GPM6A: variants seen among roughly 807,000 people sequenced by gnomAD.
GPM6A encodes the protein neuronal membrane glycoprotein M6-a.
A neutral mutation model predicts 32.1 loss-of-function variants in GPM6A; 7 were observed. The ratio of observed to expected loss-of-function variants is 0.22; its 90% CI spans 0.12 to 0.41. GPM6A has a LOEUF of 0.41. Among genes scored for constraint, GPM6A ranks in the 10% least tolerant of loss-of-function variants. The pLI is 1.00. For synonymous variants in GPM6A, 130 were observed against 123.4 expected, an observed-to-expected ratio of 1.05 and a Z score of -0.35; for missense variants, 235 against 347.2, an observed-to-expected ratio of 0.68 and a Z score of 2.57.
At chr4:175,920,378 A>C (rs1435445078) in intron 1 of GPM6A, among the ~76,000 whole-genome samples, 1 of 152,224 alleles carries the variant, frequency 6.6e-6, no homozygotes, top group Non-Finnish European at 1.5e-5. Context: ...GGTCTTATAA[A>C]ATGACACAAA....
chr4:175,816,413 G>T (rs1053193698), upstream of GPM6A, among the ~76,000 whole-genome samples: 7 of 151,922 alleles, frequency 4.6e-5, no homozygotes, highest in Non-Finnish European at 1.0e-4. Flanking sequence ...TGTCTTTATG[G>T]ATAAACACAT....
At chr4:175,678,371 CTTAA>C (rs1445132298) in intron 2 of GPM6A, among the ~76,000 whole-genome samples, 5 of 152,122 alleles carry the variant, frequency 3.3e-5, no homozygotes, top group Admixed American at 1.3e-4. Flanking sequence ...AATTTATTTT[CTTAA>C]TTAATTAGAG....
At chr4:175,725,266 T>C (rs1746343708) in intron 1 of GPM6A, among the ~76,000 whole-genome samples, 1 of 150,142 alleles carries the variant, frequency 6.7e-6, no homozygotes, top group Non-Finnish European at 1.5e-5. Flanking sequence ...AGCTATATTG[T>C]CTTTTAATGC....
chr4:175,664,517 C>T (rs1018124109), intron 3 of GPM6A, among the ~76,000 whole-genome samples: 9 of 152,206 alleles, frequency 5.9e-5, no homozygotes, highest in African/African-American at 2.2e-4. Flanking sequence ...ATAAAGTTAA[C>T]TTTTAAAAAC....
intron 1 of GPM6A, among the ~76,000 whole-genome samples, chr4:175,712,114 G>A (rs1336776922): frequency 1.3e-5 from 2 of 152,152 alleles, no homozygotes; most frequent in East Asian, 3.9e-4. Flanking sequence ...ATCAGACAAG[G>A]AAGAACAACC....
chr4:175,863,246 T>C (rs1579576493), intron 1 of GPM6A, among the ~76,000 whole-genome samples: 1 of 152,158 alleles, frequency 6.6e-6, no homozygotes, highest in Non-Finnish European at 1.5e-5. Context: ...GTTTCCTCCA[T>C]ATCATACCCC....
At chr4:175,846,843 G>A (rs1457340653) in intron 1 of GPM6A, among the ~76,000 whole-genome samples, 3 of 151,926 alleles carry the variant, frequency 2.0e-5, no homozygotes, top group Non-Finnish European at 4.4e-5. Flanking sequence ...TTCAGTCTTC[G>A]TTAACTGTGA....
chr4:175,902,618 A>G (rs1236274889), intron 1 of GPM6A, among the ~76,000 whole-genome samples: 4 of 152,134 alleles, frequency 2.6e-5, no homozygotes, highest in Admixed American at 1.3e-4. Flanking sequence ...TCCTCGCTAT[A>G]CAAATGGCGC....
intron 1 of GPM6A, among the ~76,000 whole-genome samples, chr4:175,767,798 T>C (rs1243744231): frequency 6.6e-6 from 1 of 152,232 alleles, no homozygotes; most frequent in Non-Finnish European, 1.5e-5. Flanking sequence ...TTCAGAGTTA[T>C]AATGCGGATG....
At chr4:175,922,645 A>G (rs569802426) in intron 1 of GPM6A, among the ~76,000 whole-genome samples, 1 of 152,304 alleles carries the variant, frequency 6.6e-6, no homozygotes, top group East Asian at 1.9e-4. Flanking sequence ...AAGAAGCCCA[A>G]TTTGAACATC....
chr4:175,716,151 T>G (rs576683699), intron 1 of GPM6A, among the ~76,000 whole-genome samples: 1 of 152,346 alleles, frequency 6.6e-6, no homozygotes, highest in African/African-American at 2.4e-5. Context: ...TCAGTTAATA[T>G]TTGTTGAATA....
At chr4:175,915,873 T>C (rs1363417650) in intron 1 of GPM6A, among the ~76,000 whole-genome samples, 14 of 152,212 alleles carry the variant, frequency 9.2e-5, no homozygotes, top group Non-Finnish European at 1.9e-4. Context: ...TGTTTGTGCA[T>C]CTCCAAATGT....
At chr4:175,767,964 G>A (rs1473027718) in intron 1 of GPM6A, among the ~76,000 whole-genome samples, 2 of 152,152 alleles carry the variant, frequency 1.3e-5, no homozygotes, top group African/African-American at 4.8e-5. Flanking sequence ...GATTCAAGCA[G>A]ATAACATATT....
intron 1 of GPM6A, among the ~76,000 whole-genome samples, chr4:175,801,923 G>A (rs868243739): frequency 2.1e-4 from 32 of 152,174 alleles, no homozygotes; most frequent in Middle Eastern, 3.4e-3. Context: ...TTGATACACA[G>A]ATGATATGAA....
At chr4:175,823,918 G>T (rs1735353238) in intron 1 of GPM6A, among the ~76,000 whole-genome samples, 2 of 152,134 alleles carry the variant, frequency 1.3e-5, no homozygotes, top group African/African-American at 4.8e-5. Flanking sequence ...CTCCCAATGG[G>T]CAATCAAGGT....
At chr4:175,783,252 A>G (rs1205113181) in intron 1 of GPM6A, among the ~76,000 whole-genome samples, 1 of 151,948 alleles carries the variant, frequency 6.6e-6, no homozygotes, top group African/African-American at 2.4e-5. Flanking sequence ...ACTTAACTCT[A>G]ATAGAATTTG....
chr4:175,936,497 T>C (rs1408884000), intron 1 of GPM6A, among the ~76,000 whole-genome samples: 1 of 152,034 alleles, frequency 6.6e-6, no homozygotes, highest in Non-Finnish European at 1.5e-5. Flanking sequence ...TTGGGATTGC[T>C]CTACATTGCA....
At chr4:175,962,343 C>T (rs977452101) in intron 1 of GPM6A, 7 of 815,942 alleles carry the variant, frequency 8.6e-6, no homozygotes, top group Middle Eastern at 7.2e-4. Context: ...ACATCAGCTT[C>T]TTAAGACTCC....
chr4:175,644,575 G>T (rs2333246), intron 4 of GPM6A, among the ~76,000 whole-genome samples: 105,191 of 151,460 alleles, frequency 0.69, 38,276 homozygotes, highest in South Asian at 0.8. Context: ...GCTCTAGAAG[G>T]GAGCACGTGG....
Sources: gnomAD v4.1 joint callset for allele counts (sites outside exome capture counted in the v4.1 genomes callset) on GRCh38, gnomAD v4.1.1 for gene constraint, MANE v1.5 for transcripts, NCBI Gene and HGNC (gene_info 2026-07-23, HGNC 2026-07-21) for gene names.